ITGB1BP1: variants seen among roughly 807,000 people sequenced by gnomAD.
ITGB1BP1 encodes integrin beta-1-binding protein 1.
ITGB1BP1 carries 20 observed loss-of-function variants against 28.0 expected under a neutral mutation model. The observed-to-expected ratio is 0.71, with a 90% CI of 0.50 to 1.04. The LOEUF (loss-of-function observed/expected upper bound fraction) is 1.04. Ranked by LOEUF, ITGB1BP1 falls within the 50% of genes least tolerant of loss-of-function variation. The pLI, the probability that ITGB1BP1 is intolerant of heterozygous loss-of-function variation, is 0.00. For synonymous variants in ITGB1BP1, 103 were observed against 89.5 expected, an observed-to-expected ratio of 1.15 and a Z score of -0.85; for missense variants, 228 against 242.5, an observed-to-expected ratio of 0.94 and a Z score of 0.40.
At chr2:9,408,084 T>TA (rs1486713287) in intron 5 of ITGB1BP1, 29 bp downstream of exon 5, 1 of 1,213,390 alleles carries the variant, frequency 8.2e-7, no homozygotes, top group Non-Finnish European at 1.2e-6. Context: ...ATCTAAAACA[T>TA]AGTTTTCTTA....
chr2:9,411,406 T>C (rs1324386299), intron 4 of ITGB1BP1, among the ~76,000 whole-genome samples: 1 of 152,118 alleles, frequency 6.6e-6, no homozygotes, highest in African/African-American at 2.4e-5. Flanking sequence ...CTCATTTAAA[T>C]AGGATTGATC....
chr2:9,406,629 C>A lies in ITGB1BP1; in HGVS notation c.*205G>T. On this transcript the variant is annotated 3_prime_UTR_variant, in exon 7 of 7. Transcript: ENST00000355346. ...AAAAGACAAATGAAGTTTTTTAGCC[C>A]AGAAAATAGATGACTTCATTGAGAG... 3.5e-6 allele frequency: 2 copies of A among 564,950 alleles called. No homozygotes were observed. Among genetic ancestry groups the A allele is most frequent in the Non-Finnish European group, 6.3e-6 (2 of 316,720 alleles). The allele number at this position is 564,950 out of a possible 1,614,324, so 35.0% of individuals were successfully genotyped here.
At chr2:9,422,951 CA>C (rs1680078756) in intron 1 of ITGB1BP1, 1 of 986,138 alleles carries the variant, frequency 1.0e-6, no homozygotes, top group Non-Finnish European at 1.2e-6. Context: ...TCCCAGACGC[CA>C]GCCTGCTTGG....
At chr2:9,423,085 G>A (rs1680096367) in intron 1 of ITGB1BP1, 5 of 1,013,758 alleles carry the variant, frequency 4.9e-6, no homozygotes, top group Non-Finnish European at 5.9e-6. Flanking sequence ...CAGAGGAAGA[G>A]GCAAGGAAAC....
chr2:9,422,479 C>G (rs1680013726), intron 1 of ITGB1BP1: 1 of 985,474 alleles, frequency 1.0e-6, no homozygotes, highest in African/African-American at 1.7e-5. Flanking sequence ...TACTTCTTAC[C>G]TTTCAAGGCC....
At chr2:9,413,344 T>C (rs982569195) in intron 3 of ITGB1BP1, among the ~76,000 whole-genome samples, 1 of 152,160 alleles carries the variant, frequency 6.6e-6, no homozygotes, top group African/African-American at 2.4e-5. Flanking sequence ...TTTTCTTTTT[T>C]TTGAGATGGA....
intron 1 of ITGB1BP1, 110 bp from the exon 2 acceptor site, chr2:9,418,842 A>G (rs1487639574): frequency 5.4e-6 from 4 of 747,552 alleles, no homozygotes; most frequent in Non-Finnish European, 9.1e-6. Context: ...AGTGGCACAA[A>G]CATGGCTCTG....
chr2:9,417,163 T>C (rs1679249271), intron 2 of ITGB1BP1, among the ~76,000 whole-genome samples: 1 of 152,084 alleles, frequency 6.6e-6, no homozygotes. Flanking sequence ...AGGCGCCCCC[T>C]GCTTTACTCT....
chr2:9,412,659 C>T (rs945378378), intron 3 of ITGB1BP1: 28 of 308,682 alleles, frequency 9.1e-5, no homozygotes, highest in South Asian at 3.2e-4. Context: ...ACCTTCCCTT[C>T]AAAACAAACA....
At chr2:9,408,580 T>C (rs1402634910) in intron 4 of ITGB1BP1, among the ~76,000 whole-genome samples, 1 of 152,134 alleles carries the variant, frequency 6.6e-6, no homozygotes, top group Non-Finnish European at 1.5e-5. Context: ...CCTTAAGTGA[T>C]CCACCCACCA....
At chr2:9,418,798 A>T in intron 1 of ITGB1BP1, 66 bp from the exon 2 acceptor site, 1 of 1,071,608 alleles carries the variant, frequency 9.3e-7, no homozygotes, top group South Asian at 1.3e-5. Context: ...TTTTTTTAAG[A>T]GACAGAGTCT....
chr2:9,412,063 AG>A (rs557734616), intron 4 of ITGB1BP1: 20 of 454,364 alleles, frequency 4.4e-5, no homozygotes, highest in South Asian at 6.7e-5. Context: ...AAAAAAAAAA[AG>A]TACCGTGTTT....
At chr2:9,412,436 AG>A (rs1412950252) in intron 3 of ITGB1BP1, 31 bp from the exon 4 acceptor site, 2 of 1,574,978 alleles carry the variant, frequency 1.3e-6, no homozygotes, top group African/African-American at 2.7e-5. Flanking sequence ...GTAAGACTTA[AG>A]AAGAAATATC....
At chr2:9,421,316 G>A (rs1679811941) in intron 1 of ITGB1BP1, among the ~76,000 whole-genome samples, 1 of 152,098 alleles carries the variant, frequency 6.6e-6, no homozygotes, top group Non-Finnish European at 1.5e-5. Context: ...CATCAACCCA[G>A]CGGCTTAGGA....
At position 9,415,253 on chromosome 2, in the gene ITGB1BP1, C is replaced by T. The variant is rs1354564283; in HGVS notation, c.73-997G>A. Among the ~76,000 whole-genome samples the T allele has an allele frequency of 2.0e-5, 3 of 152,176 alleles. No individual in the cohort carries two copies. The highest frequency in any genetic ancestry group is 4.4e-5 in the Non-Finnish European group (3 of 68,026). ...AATTAGCTGGGCATGGTGGCGGGCA[C>T]TTATAATCCTAGCTACTCGGGAGGC... On this transcript the variant is annotated intron_variant, in intron 2 of 6. Transcript: ENST00000355346. This position sits in a 1 kb window ranked among gnomAD's most constrained non-coding sequence, Gnocchi z 4.1.
chr2:9,412,007 A>G, intron 4 of ITGB1BP1: 1 of 370,834 alleles, frequency 2.7e-6, no homozygotes, highest in Middle Eastern at 7.9e-4. Context: ...GCACCACTGT[A>G]CTCCAGCCTG....
In ITGB1BP1 at chr2:9,415,119, C is replaced by T. The variant is rs1057431368; in HGVS notation, c.73-863G>A. 3.3e-5 allele frequency among the ~76,000 whole-genome samples: 5 copies of T among 151,654 alleles called. No homozygotes were observed. Among genetic ancestry groups the T allele is most frequent in the Admixed American group, 2.0e-4 (3 of 15,210 alleles). On this transcript the variant is annotated intron_variant, in intron 2 of 6. Transcript: ENST00000355346. This position sits in a 1 kb window ranked among gnomAD's most constrained non-coding sequence, Gnocchi z 4.1. Reference sequence around the variant, plus strand: ...TATGGCTGGGTGTGGTGGCTCACGCCTGTAATCCCAGCACTTTGGGAGGCT... The same window carrying T: ...TATGGCTGGGTGTGGTGGCTCACGCTTGTAATCCCAGCACTTTGGGAGGCT...
intron 6 of ITGB1BP1, 149 bp from the exon 7 acceptor site, chr2:9,407,054 C>A: frequency 3.0e-6 from 2 of 657,934 alleles, no homozygotes; most frequent in South Asian, 1.8e-5. Context: ...GGAACCCATA[C>A]TATGAGCTTC....
At chr2:9,411,288 A>G (rs1013589797) in intron 4 of ITGB1BP1, among the ~76,000 whole-genome samples, 5 of 152,214 alleles carry the variant, frequency 3.3e-5, no homozygotes, top group African/African-American at 1.2e-4. Context: ...ATCATTATGA[A>G]TTAGATTATT....
Sources: allele counts gnomAD v4.1 joint callset (sites outside exome capture counted in the v4.1 genomes callset), GRCh38; gene constraint gnomAD v4.1.1; non-coding constraint Gnocchi (gnomAD v3.1); transcripts MANE v1.5; gene names NCBI Gene and HGNC (gene_info 2026-07-23, HGNC 2026-07-21).